Variants in C8orf76 observed in about 807,000 individuals in gnomAD.
C8orf76 encodes chromosome 8 open reading frame 76, also known as uncharacterized protein C8orf76.
C8orf76 carries 46 observed loss-of-function variants against 38.1 expected under a neutral mutation model. That is an observed-to-expected ratio of 1.21 (90% CI 0.95 to 1.54). The LOEUF is 1.54. C8orf76 is among the 40% of genes most tolerant of loss of function. C8orf76 has a pLI of 0.00. For missense variants in C8orf76, 461 were observed against 441.6 expected, an observed-to-expected ratio of 1.04 and a Z score of -0.39; for synonymous variants, 166 against 167.5, an observed-to-expected ratio of 0.99 and a Z score of 0.07.
At chr8:123,226,295 C>T (rs1039316740) in intron 5 of C8orf76, 1 of 1,398,326 alleles carries the variant, frequency 7.2e-7, no homozygotes, top group Non-Finnish European at 9.2e-7. Context: ...GTACATGAAA[C>T]ACAGCCCCTG....
chr8:123,236,946 C>G, intron 3 of C8orf76: 1 of 1,526,662 alleles, frequency 6.6e-7, no homozygotes, highest in South Asian at 1.1e-5. Context: ...GGCATCCCAC[C>G]TGACCAGCAG....
chr8:123,224,673 CCAGA>C lies in C8orf76; in HGVS notation c.948+1823_948+1826del, dbSNP rs1054142637. 2.6e-5 allele frequency among the ~76,000 whole-genome samples: 4 copies of C among 152,268 alleles called. 1 individual carries two copies. Among genetic ancestry groups the C allele is most frequent in the Admixed American group, 6.5e-5 (1 of 15,296 alleles). On this transcript the variant is annotated intron_variant, in intron 5 of 5. Transcript: ENST00000276704. Reference sequence around the variant, plus strand: ...TCCTAATTACAATCCTAACGAGGGCCCAGACATTTTCCATCTTTTTAAAAAGCTC... The same window carrying C: ...TCCTAATTACAATCCTAACGAGGGCCCATTTTCCATCTTTTTAAAAAGCTC...
intron 3 of C8orf76, 22 bp downstream of exon 3, chr8:123,237,776 A>G (rs1825551562): frequency 6.2e-7 from 1 of 1,605,152 alleles, no homozygotes; most frequent in South Asian, 1.1e-5. Context: ...TGTGTGTGAA[A>G]ATAAGCAATA....
At chr8:123,228,148 C>T (rs930330932) in intron 4 of C8orf76, among the ~76,000 whole-genome samples, 4 of 152,196 alleles carry the variant, frequency 2.6e-5, no homozygotes, top group Non-Finnish European at 5.9e-5. Context: ...AACCTTCCCA[C>T]ACACTCCGCT....
intron 4 of C8orf76, among the ~76,000 whole-genome samples, chr8:123,228,879 TC>T (rs1376321020): frequency 6.6e-6 from 1 of 152,244 alleles, no homozygotes; most frequent in Non-Finnish European, 1.5e-5. Flanking sequence ...GCAGGCATTT[TC>T]CCCATTTCTC....
At chr8:123,241,112 C>T in intron 1 of C8orf76, 118 bp downstream of exon 1, 1 of 1,005,672 alleles carries the variant, frequency 9.9e-7, no homozygotes, top group Non-Finnish European at 1.4e-6. Flanking sequence ...ACGCGGCGGG[C>T]GCTGGAGCCT....
In C8orf76 at chr8:123,239,029, C is replaced by G; in HGVS notation, c.213+20G>C. ...TGATAAAACAAGAGCCCACTTCAAG[C>G]ACCATATGTTGAATTCTACCTGATA... is the stretch of plus-strand genomic sequence containing the variant. On this transcript the variant is annotated intron_variant, in intron 2 of 5. Transcript: ENST00000276704. 6.2e-7 allele frequency: 1 copy of G among 1,612,306 alleles called. No homozygotes were observed. Among genetic ancestry groups the G allele is most frequent in the South Asian group, 1.1e-5 (1 of 91,030 alleles).
At chr8:123,238,230 ATTCTCATGGTAGTTAGTCT>A (rs1224285282) in intron 2 of C8orf76, among the ~76,000 whole-genome samples, 4 of 152,050 alleles carry the variant, frequency 2.6e-5, no homozygotes, top group Admixed American at 2.0e-4. Context: ...TTCCCATGCT[ATTCTCATGGTAGTTAGTCT>A]CAGGAGATCT....
At chr8:123,238,994 A>G (rs1825591188) in intron 2 of C8orf76, 55 bp downstream of exon 2, 2 of 1,540,652 alleles carry the variant, frequency 1.3e-6, no homozygotes, top group Non-Finnish European at 1.8e-6. Context: ...TTATTTACAT[A>G]TGCCATAACT....
intron 3 of C8orf76, among the ~76,000 whole-genome samples, chr8:123,235,674 C>T (rs1054747691): frequency 6.6e-6 from 1 of 152,156 alleles, no homozygotes; most frequent in Non-Finnish European, 1.5e-5. Context: ...TTTCTCCTGC[C>T]TAGTAACCAT....
intron 3 of C8orf76, chr8:123,237,103 C>A: frequency 9.8e-7 from 1 of 1,023,420 alleles, no homozygotes; most frequent in Non-Finnish European, 1.5e-6. Flanking sequence ...AGAAATACAA[C>A]TACAACAAGA....
rs1420696604 is a variant in C8orf76, at chr8:123,231,313, A to T, written c.802T>A (p.Phe268Ile). 1 of 1,609,492 alleles carries T rather than the reference A, an allele frequency of 6.2e-7. No homozygotes were observed. Among genetic ancestry groups the T allele is most frequent in the Admixed American group, 1.7e-5 (1 of 59,232 alleles). ...CTCTCAGCTTACCTGGTTCGTATAA[A>T]AGAGGCACATGCTTTCAGCTGAGTC... ...IETQLKACAS[F>I]IRTRLLLQFT... Residue 268 changes from phenylalanine to isoleucine, a missense_variant, in exon 4 of 6, where the codon TTT becomes ATT. Phe to Ile is a conservative substitution (Grantham distance 21). Transcript: ENST00000276704.
At chr8:123,237,122 C>A (rs149023027) in intron 3 of C8orf76, 2 of 934,968 alleles carry the variant, frequency 2.1e-6, no homozygotes, top group Admixed American at 1.8e-5. Context: ...GATGATCTGC[C>A]GCAAGTGCTG....
At chr8:123,235,677 G>A (rs1825443373) in intron 3 of C8orf76, among the ~76,000 whole-genome samples, 1 of 152,124 alleles carries the variant, frequency 6.6e-6, no homozygotes, top group Non-Finnish European at 1.5e-5. Flanking sequence ...CTCCTGCCTA[G>A]TAACCATCCC....
At chr8:123,241,129 G>T (rs1454672529) in intron 1 of C8orf76, 101 bp downstream of exon 1, 8 of 1,248,426 alleles carry the variant, frequency 6.4e-6, no homozygotes, top group Middle Eastern at 2.7e-4. Context: ...GCCTGCCAGG[G>T]TTTGCGTTCG....
At chr8:123,231,183 A>G in intron 4 of C8orf76, 117 bp downstream of exon 4, 1 of 1,327,354 alleles carries the variant, frequency 7.5e-7, no homozygotes. Flanking sequence ...ACCATAGGAA[A>G]ATTTCAAAAA....
chr8:123,225,536 C>T (rs989251150), intron 5 of C8orf76, among the ~76,000 whole-genome samples: 1 of 152,134 alleles, frequency 6.6e-6, no homozygotes, highest in African/African-American at 2.4e-5. Context: ...CTTTAGCATG[C>T]CATTACTTAC....
intron 2 of C8orf76, 177 bp downstream of exon 2, chr8:123,238,872 A>G (rs1825587724): frequency 1.7e-6 from 1 of 582,616 alleles, no homozygotes; most frequent in Non-Finnish European, 3.0e-6. Context: ...AAACAAACAA[A>G]TCATACAGAG....
intron 4 of C8orf76, among the ~76,000 whole-genome samples, chr8:123,228,264 C>G (rs1825118736): frequency 6.6e-6 from 1 of 152,158 alleles, no homozygotes; most frequent in South Asian, 2.1e-4. Context: ...ACTAATTACT[C>G]TACAACCTCT....
Sources: allele counts gnomAD v4.1 joint callset (sites outside exome capture counted in the v4.1 genomes callset), GRCh38; gene constraint gnomAD v4.1.1; transcripts MANE v1.5; gene names NCBI Gene and HGNC (gene_info 2026-07-23, HGNC 2026-07-21).